ROBO2: variants seen among roughly 807,000 people sequenced by gnomAD.
ROBO2 encodes the protein roundabout homolog 2.
A neutral mutation model predicts 160.8 loss-of-function variants in ROBO2; 53 were observed. That is an observed-to-expected ratio of 0.33 (90% CI 0.26 to 0.41). The LOEUF is 0.41. ROBO2 is among the 10% of genes least tolerant of loss of function. The pLI, the probability that ROBO2 is intolerant of heterozygous loss-of-function variation, is 1.00. For missense variants in ROBO2, 1,577 were observed against 1,722.4 expected (o/e 0.92, Z 1.49); for synonymous variants, 664 against 611.7 (o/e 1.09, Z -1.26).
At chr3:77,644,715 G>A in exon 25 of ROBO2, 2 of 1,613,938 alleles carry the variant, frequency 1.2e-6, no homozygotes, top group Non-Finnish European at 1.7e-6. Flanking sequence ...GGAGGCCTTG[G>A]TGCCCTATAG....
intron 2 of ROBO2, among the ~76,000 whole-genome samples, chr3:76,525,505 G>A (rs766391768): frequency 6.6e-6 from 1 of 151,908 alleles, no homozygotes; most frequent in Non-Finnish European, 1.5e-5. Flanking sequence ...TTCTGTGTAA[G>A]TAATTCATCT....
rs2061270369 is a variant in ROBO2 at position 77,000,300 on chromosome 3, C to T, written c.110-97714C>T. Among the ~76,000 whole-genome samples the T allele has an allele frequency of 2.0e-5, 3 of 152,172 alleles. No individual in the cohort carries two copies. In the South Asian group the frequency reaches 6.2e-4, roughly 32 times the overall value. On this transcript the variant is annotated intron_variant, in intron 2 of 26. Transcript: ENST00000487694. Reference sequence around the variant, plus strand: ...GGTAGGTCAGTGAAGGTCTTTGGGTCCTATAAGAATCATTAAAACAGCAAA... The same window carrying T: ...GGTAGGTCAGTGAAGGTCTTTGGGTTCTATAAGAATCATTAAAACAGCAAA...
chr3:77,473,959 C>G (rs1472165605), intron 2 of ROBO2, among the ~76,000 whole-genome samples: 1 of 152,108 alleles, frequency 6.6e-6, no homozygotes, highest in African/African-American at 2.4e-5. Flanking sequence ...CTCTGTGTCT[C>G]TTGAAGCACA....
chr3:77,264,366 G>A (rs758256298), intron 2 of ROBO2, among the ~76,000 whole-genome samples: 7 of 152,018 alleles, frequency 4.6e-5, no homozygotes, highest in East Asian at 1.9e-4. Context: ...AATCCATCTC[G>A]GCTTCTTTGA....
intron 2 of ROBO2, among the ~76,000 whole-genome samples, chr3:77,109,728 T>C (rs2150166949): frequency 6.6e-6 from 1 of 152,348 alleles, no homozygotes; most frequent in South Asian, 2.1e-4. Context: ...CTCTCTATTG[T>C]ATTTGAGGTA....
At chr3:76,215,585 T>G (rs917153541) in intron 2 of ROBO2, among the ~76,000 whole-genome samples, 1 of 151,814 alleles carries the variant, frequency 6.6e-6, no homozygotes, top group Non-Finnish European at 1.5e-5. Context: ...ATGAATGAAA[T>G]GAAGCGTGAA....
chr3:77,517,380 T>C (rs2090134949), intron 5 of ROBO2, among the ~76,000 whole-genome samples: 1 of 151,484 alleles, frequency 6.6e-6, no homozygotes, highest in Non-Finnish European at 1.5e-5. Flanking sequence ...GCCATGTGAC[T>C]GGAAAATAGT....
chr3:76,241,759 T>C (rs866572288), intron 2 of ROBO2, among the ~76,000 whole-genome samples: 19 of 152,240 alleles, frequency 1.2e-4, no homozygotes, highest in Admixed American at 6.5e-4. Flanking sequence ...TGTGAACTTA[T>C]AATAGTAAAA....
intron 1 of ROBO2, among the ~76,000 whole-genome samples, chr3:75,916,397 A>G (rs1225331654): frequency 6.6e-6 from 1 of 152,196 alleles, no homozygotes; most frequent in Non-Finnish European, 1.5e-5. Flanking sequence ...GTAGTAAAAT[A>G]TCAAATGATC....
Position 76,814,293 on chromosome 3 carries a change from T to G in ROBO2, c.110-283721T>G, listed in dbSNP as rs116474103. On this transcript the variant is annotated intron_variant, in intron 2 of 26. Coordinates refer to the ROBO2 transcript ENST00000487694. ...GTTCTAATATTGTGTCCAGAGATGG[T>G]GCGAGAAAGAATGGCAGAGGTAAGT... Among the ~76,000 whole-genome samples the G allele has an allele frequency of 6.3e-3, 957 of 152,180 alleles. 9 individuals carry two copies. Among genetic ancestry groups the G allele is most frequent in the African/African-American group, 0.021 (887 of 41,536 alleles).
intron 2 of ROBO2, among the ~76,000 whole-genome samples, chr3:77,000,727 T>C (rs2061293578): frequency 6.6e-6 from 1 of 152,130 alleles, no homozygotes; most frequent in South Asian, 2.1e-4. Context: ...ATAATACCTA[T>C]TGAAGAAAGT....
chr3:76,145,909 C>T (rs965010700), intron 2 of ROBO2, among the ~76,000 whole-genome samples: 8 of 151,966 alleles, frequency 5.3e-5, no homozygotes, highest in African/African-American at 9.6e-5. Flanking sequence ...TGCATTTTTG[C>T]ATCTATAGAA....
At chr3:75,950,987 A>T (rs946926434) in intron 2 of ROBO2, among the ~76,000 whole-genome samples, 4 of 152,040 alleles carry the variant, frequency 2.6e-5, no homozygotes, top group African/African-American at 9.7e-5. Context: ...GCTCAAATTC[A>T]TTTCAGCATT....
intron 2 of ROBO2, among the ~76,000 whole-genome samples, chr3:76,828,875 A>C (rs1320101906): frequency 2.0e-5 from 3 of 151,940 alleles, no homozygotes; most frequent in Non-Finnish European, 4.4e-5. Context: ...TTTTACAGAC[A>C]GAAAAAAAAA....
chr3:77,498,525 A>G (rs1319537623), intron 5 of ROBO2, among the ~76,000 whole-genome samples: 1 of 152,212 alleles, frequency 6.6e-6, no homozygotes, highest in Non-Finnish European at 1.5e-5. Flanking sequence ...GAGAATTTTC[A>G]GAGTTTTTAG....
chr3:77,257,887 T>G (rs566525549), intron 2 of ROBO2, among the ~76,000 whole-genome samples: 1 of 152,354 alleles, frequency 6.6e-6, no homozygotes, highest in African/African-American at 2.4e-5. Context: ...AACCTTTTGA[T>G]AATAATATGT....
At chr3:77,421,595 C>CT (rs1173319741) in intron 2 of ROBO2, among the ~76,000 whole-genome samples, 2 of 152,050 alleles carry the variant, frequency 1.3e-5, no homozygotes, top group African/African-American at 4.8e-5. Context: ...TATGGGTGCA[C>CT]TTTTTTGTTG....
chr3:77,421,027 G>A (rs1003942431), intron 2 of ROBO2, among the ~76,000 whole-genome samples: 1 of 152,122 alleles, frequency 6.6e-6, no homozygotes, highest in African/African-American at 2.4e-5. Context: ...CTACAAGAAA[G>A]TATAGTATGG....
chr3:76,955,898 A>G (rs2079219496), intron 2 of ROBO2, among the ~76,000 whole-genome samples: 1 of 151,702 alleles, frequency 6.6e-6, no homozygotes, highest in Non-Finnish European at 1.5e-5. Flanking sequence ...CAAAAAAAAA[A>G]AAAAAAGAAA....
Sources: allele counts gnomAD v4.1 joint callset (sites outside exome capture counted in the v4.1 genomes callset), GRCh38; gene constraint gnomAD v4.1.1; transcripts MANE v1.5; gene names NCBI Gene and HGNC (gene_info 2026-07-23, HGNC 2026-07-21).